The following STXBP5L variants were observed in gnomAD, a reference collection of about 807,000 sequenced individuals.
STXBP5L encodes the protein syntaxin-binding protein 5-like.
In STXBP5L, 65 loss-of-function variants were observed where a neutral mutation model predicts 144.5. That is an observed-to-expected ratio of 0.45 (90% CI 0.37 to 0.55). The LOEUF (loss-of-function observed/expected upper bound fraction) is 0.55. STXBP5L is among the 20% of genes least tolerant of loss of function. The pLI, the probability that STXBP5L is intolerant of heterozygous loss-of-function variation, is 0.00. For synonymous variants in STXBP5L, 505 were observed against 469.6 expected, an observed-to-expected ratio of 1.08 and a Z score of -0.97; for missense variants, 1,298 against 1,405.5, an observed-to-expected ratio of 0.92 and a Z score of 1.22.
intron 7 of STXBP5L, among the ~76,000 whole-genome samples, chr3:121,146,857 C>G (rs1196868928): frequency 6.6e-6 from 1 of 151,950 alleles, no homozygotes; most frequent in Non-Finnish European, 1.5e-5. Flanking sequence ...TTGCATGGTA[C>G]CACGTTAACT....
chr3:120,963,059 T>A (rs1438840167), intron 3 of STXBP5L, among the ~76,000 whole-genome samples: 2 of 152,254 alleles, frequency 1.3e-5, no homozygotes, highest in Non-Finnish European at 2.9e-5. Flanking sequence ...AGTTCACTCA[T>A]GATTTGGCTC....
intron 3 of STXBP5L, among the ~76,000 whole-genome samples, chr3:120,994,643 T>A (rs1431461341): frequency 6.6e-6 from 1 of 152,192 alleles, no homozygotes; most frequent in Admixed American, 6.6e-5. Context: ...TACTTGATCA[T>A]GCTATATTAT....
At chr3:121,042,904 T>G (rs1947257814) in intron 4 of STXBP5L, among the ~76,000 whole-genome samples, 1 of 151,708 alleles carries the variant, frequency 6.6e-6, no homozygotes, top group South Asian at 2.1e-4. Flanking sequence ...CTCATTATTA[T>G]CTAGAATGTC....
intron 18 of STXBP5L, among the ~76,000 whole-genome samples, chr3:121,267,576 A>G (rs1042600799): frequency 1.8e-4 from 27 of 152,334 alleles, no homozygotes; most frequent in Non-Finnish European, 3.5e-4. Flanking sequence ...TAATTAAACT[A>G]AAGAGCTTCT....
chr3:121,237,727 CCACT>C lies in STXBP5L; in HGVS notation c.1185-1243_1185-1240del, dbSNP rs2049527476. ...GTGTAAGCTGTTAAAAGTAACAATG[CCACT>C]TCTTGAGCACTTTGCTGCTTAGAAT... On this transcript the variant is annotated intron_variant, in intron 12 of 26. Coordinates refer to ENST00000471454, the MANE Select transcript of STXBP5L (RefSeq NM_001308330.2). Among the ~76,000 whole-genome samples the C allele has an allele frequency of 2.6e-5, 4 of 152,250 alleles. No individual in the cohort carries two copies. The South Asian group carries it at 8.3e-4, about 32-fold the overall frequency.
intron 9 of STXBP5L, among the ~76,000 whole-genome samples, chr3:121,193,432 G>A (rs2047786448): frequency 6.8e-6 from 1 of 147,800 alleles, no homozygotes; most frequent in South Asian, 2.3e-4. Flanking sequence ...CATGGATCTA[G>A]AGCTAGAAAT....
chr3:121,300,326 G>A (rs1039645141), intron 19 of STXBP5L, among the ~76,000 whole-genome samples: 1 of 152,074 alleles, frequency 6.6e-6, no homozygotes, highest in African/African-American at 2.4e-5. Flanking sequence ...GGAAAATTAG[G>A]AATACAGGTA....
chr3:121,098,013 T>C (rs2043219502), intron 5 of STXBP5L, among the ~76,000 whole-genome samples: 1 of 152,192 alleles, frequency 6.6e-6, no homozygotes, highest in Admixed American at 6.5e-5. Flanking sequence ...TCATATACTT[T>C]AGCAGTTGAT....
chr3:121,234,163 T>C (rs2049394939), intron 12 of STXBP5L, among the ~76,000 whole-genome samples: 1 of 152,200 alleles, frequency 6.6e-6, no homozygotes. Flanking sequence ...AGAATAATGC[T>C]ATAATAGTGG....
At chr3:121,038,923 A>C (rs991171270) in intron 3 of STXBP5L, among the ~76,000 whole-genome samples, 2 of 151,920 alleles carry the variant, frequency 1.3e-5, no homozygotes, top group Non-Finnish European at 2.9e-5. Flanking sequence ...TATCTTAATT[A>C]ATGTTAGCAT....
At chr3:121,134,392 T>C (rs1249152685) in intron 7 of STXBP5L, among the ~76,000 whole-genome samples, 3 of 152,282 alleles carry the variant, frequency 2.0e-5, no homozygotes, top group East Asian at 3.9e-4. Context: ...TACTGCTACA[T>C]TGGAGATTAA....
At chr3:121,255,305 AC>A (rs2050170032) in intron 16 of STXBP5L, among the ~76,000 whole-genome samples, 193 bp downstream of exon 16, 1 of 152,076 alleles carries the variant, frequency 6.6e-6, no homozygotes, top group South Asian at 2.1e-4. Flanking sequence ...AAAGGCCAAA[AC>A]AATTCTCTAT....
At chr3:121,392,276 G>A (rs1395821328) in intron 22 of STXBP5L, among the ~76,000 whole-genome samples, 1 of 152,184 alleles carries the variant, frequency 6.6e-6, no homozygotes, top group Non-Finnish European at 1.5e-5. Flanking sequence ...TATTTGGGCA[G>A]GAGTGCCCTG....
rs147470690 is a variant in STXBP5L, at chr3:121,161,620, T to C, written c.877+3993T>C. 2.6e-3 allele frequency among the ~76,000 whole-genome samples: 400 copies of C among 152,212 alleles called. 4 individuals are homozygous for C. Among genetic ancestry groups the C allele is most frequent in the African/African-American group, 9.0e-3 (374 of 41,544 alleles). ...TTTTACTCAAGATTAGCACTGTTGATGGCATTGTTCTTATAGCTGGTTGCT... is the reference window on the plus strand; with the variant it reads ...TTTTACTCAAGATTAGCACTGTTGACGGCATTGTTCTTATAGCTGGTTGCT... On this transcript the variant is annotated intron_variant, in intron 9 of 26. Transcript: ENST00000471454.
chr3:121,127,431 G>A (rs551202824), intron 7 of STXBP5L, among the ~76,000 whole-genome samples: 26 of 152,056 alleles, frequency 1.7e-4, no homozygotes, highest in African/African-American at 4.8e-4. Context: ...GAAGACTCTA[G>A]GGGAGACTTC....
At position 121,419,715 on chromosome 3, in the gene STXBP5L, G is replaced by A. The variant is rs192827171; in HGVS notation, c.*618G>A. On this transcript the variant is annotated 3_prime_UTR_variant, in exon 27 of 27. Transcript: ENST00000471454. ...TATTGAATTCTTATGGCAAGAGTCT[G>A]ATTAATGTTCTCTCTCCATGTTTTA... The A allele has an allele frequency of 6.6e-6, 1 of 152,320 alleles. No individual in the cohort carries two copies. The highest frequency in any genetic ancestry group is 2.4e-5 in the African/African-American group (1 of 41,564). The allele number at this position is 152,320 out of a possible 1,614,324, so 9.4% of individuals were successfully genotyped here.
At chr3:121,120,671 C>A in intron 6 of STXBP5L, among the ~76,000 whole-genome samples, 1 of 151,174 alleles carries the variant, frequency 6.6e-6, no homozygotes, top group East Asian at 1.9e-4. Flanking sequence ...GAGTCAGCAC[C>A]AGGAGATCCT....
chr3:121,130,708 G>T (rs1174450585), intron 7 of STXBP5L, among the ~76,000 whole-genome samples: 1 of 152,038 alleles, frequency 6.6e-6, no homozygotes, highest in African/African-American at 2.4e-5. Flanking sequence ...GCAGTATACT[G>T]TATTATGCAT....
intron 15 of STXBP5L, among the ~76,000 whole-genome samples, chr3:121,251,112 T>C (rs1226185243): frequency 6.6e-6 from 1 of 152,202 alleles, no homozygotes; most frequent in East Asian, 1.9e-4. Context: ...CAAGTGCTTA[T>C]ATCCCTCTAG....
Sources: gnomAD v4.1 joint callset for allele counts (sites outside exome capture counted in the v4.1 genomes callset) on GRCh38, gnomAD v4.1.1 for gene constraint, MANE v1.5 for transcripts, NCBI Gene and HGNC (gene_info 2026-07-23, HGNC 2026-07-21) for gene names.